ADGRE2: variants seen among roughly 807,000 people sequenced by gnomAD.
The protein encoded by ADGRE2 is adhesion G protein-coupled receptor E2, also known as CD97 antigen.
A neutral mutation model predicts 100.8 loss-of-function variants in ADGRE2; 83 were observed. The ratio of observed to expected loss-of-function variants is 0.82; its 90% CI spans 0.69 to 0.99. ADGRE2 has a LOEUF of 0.99. ADGRE2 is among the 50% of genes least tolerant of loss of function. The pLI, the probability that ADGRE2 is intolerant of heterozygous loss-of-function variation, is 0.00. For missense variants in ADGRE2, 814 were observed against 1,035.7 expected (o/e 0.79, Z 2.94); for synonymous variants, 355 against 413.0 (o/e 0.86, Z 1.70).
intron 14 of ADGRE2, among the ~76,000 whole-genome samples, chr19:14,754,489 A>G (rs1284964966): frequency 8.3e-6 from 1 of 120,782 alleles, no homozygotes; most frequent in East Asian, 2.7e-4. Context: ...CTATCTATCT[A>G]TTCCATTAGT....
chr19:14,763,121 C>T (rs2043788311), intron 11 of ADGRE2, among the ~76,000 whole-genome samples: 3 of 152,152 alleles, frequency 2.0e-5, no homozygotes, highest in Admixed American at 1.3e-4. Context: ...GTGGATTATG[C>T]ACAAGGTCAG....
rs116272130 is a variant in ADGRE2 at position 14,760,392 on chromosome 19, T to C, written c.1084+4041A>G. ...AGAAAACGGAAGTAACAAGTTTTGC[T>C]GAAGGTGTGGAGAGGATAACCCGTG... On this transcript the variant is annotated intron_variant, in intron 11 of 20. Coordinates refer to ENST00000315576, the MANE Select transcript of ADGRE2 (RefSeq NM_013447.4). Among the ~76,000 whole-genome samples the C allele has an allele frequency of 5.9e-3, 905 of 152,276 alleles. 2 individuals carry two copies. Among genetic ancestry groups the C allele is most frequent in the African/African-American group, 0.021 (855 of 41,564 alleles).
intron 20 of ADGRE2, among the ~76,000 whole-genome samples, chr19:14,739,641 A>G (rs1285456003): frequency 6.6e-6 from 1 of 152,188 alleles, no homozygotes; most frequent in African/African-American, 2.4e-5. Flanking sequence ...AGAGGTTCAC[A>G]TCCCTAATCC....
intron 14 of ADGRE2, 47 bp downstream of exon 14, chr19:14,754,907 G>T: frequency 6.3e-7 from 1 of 1,586,952 alleles, no homozygotes; most frequent in Non-Finnish European, 8.6e-7. Flanking sequence ...CTGGGGATTT[G>T]TTACACGGCA....
rs1228452412 is a variant in ADGRE2 at position 14,745,334 on chromosome 19, TAG to T, written c.2183+896_2183+897del. On this transcript the variant is annotated intron_variant, in intron 18 of 20. Transcript: ENST00000315576. ...ATATGTGATATTTTGTTAACATGCATAGAGTGTGTCATGATTAAGTCAGAGTA... is the reference window on the plus strand; with the variant it reads ...ATATGTGATATTTTGTTAACATGCATAGTGTGTCATGATTAAGTCAGAGTA... 3.3e-5 allele frequency among the ~76,000 whole-genome samples: 5 copies of T among 152,350 alleles called. No homozygotes were observed. The East Asian group carries it at 5.8e-4, about 18-fold the overall frequency.
Position 14,761,091 on chromosome 19 carries a change from T to TC in ADGRE2, c.1084+3341dup, listed in dbSNP as rs370887075. On this transcript the variant is annotated intron_variant, in intron 11 of 20. Coordinates refer to ENST00000315576, the MANE Select transcript of ADGRE2 (RefSeq NM_013447.4). ...AAACATATTTGATTGATGTCTCATG[T>TC]CCCCCTAAAATGTATAAAACCAAGT... 5.3e-3 allele frequency among the ~76,000 whole-genome samples: 799 copies of TC among 152,174 alleles called. 4 individuals carry two copies. Among genetic ancestry groups the TC allele is most frequent in the African/African-American group, 0.018 (731 of 41,536 alleles).
At chr19:14,768,516 G>A (rs907910113) in intron 5 of ADGRE2, among the ~76,000 whole-genome samples, 1 of 152,132 alleles carries the variant, frequency 6.6e-6, no homozygotes, top group African/African-American at 2.4e-5. Context: ...ATTCCACCAG[G>A]GACACAGACC....
In ADGRE2 at chr19:14,742,047, C is replaced by T. The variant is rs114505286; in HGVS notation, c.2463+1373G>A. On this transcript the variant is annotated intron_variant, in intron 20 of 20. Coordinates refer to ENST00000315576, the MANE Select transcript of ADGRE2 (RefSeq NM_013447.4). Reference sequence around the variant, plus strand: ...CAAGTGATCTTCCTGCTTTGGCCTCCCAGAGTGCTGGCATTACAAGCTTGA... The same window carrying T: ...CAAGTGATCTTCCTGCTTTGGCCTCTCAGAGTGCTGGCATTACAAGCTTGA... 2.1e-3 allele frequency: 854 copies of T among 398,520 alleles called. 7 individuals carry two copies. Among genetic ancestry groups the T allele is most frequent in the African/African-American group, 0.016 (785 of 48,704 alleles). 24.7% of individuals were successfully genotyped at this position (398,520 alleles called of 1,614,324 possible).
downstream of ADGRE2, chr19:14,731,039 C>A: frequency 1.4e-6 from 1 of 721,940 alleles, no homozygotes; most frequent in Non-Finnish European, 2.4e-6. Flanking sequence ...TTAGGACATT[C>A]ATAGGCAGTC....
At chr19:14,764,185 C>T (rs1886110710) in intron 11 of ADGRE2, among the ~76,000 whole-genome samples, 1 of 152,106 alleles carries the variant, frequency 6.6e-6, no homozygotes. Flanking sequence ...ACCTCAGCCT[C>T]CCAACTAGCT....
intron 16 of ADGRE2, among the ~76,000 whole-genome samples, chr19:14,748,497 C>T (rs543946543): frequency 2.6e-5 from 4 of 152,146 alleles, no homozygotes; most frequent in Admixed American, 6.5e-5. Flanking sequence ...TTAGTAGAGA[C>T]GGGGTTTCAC....
Position 14,752,536 on chromosome 19 carries a change from G to C in ADGRE2, c.1591-10C>G, listed in dbSNP as rs778651472. ...GCACGGGATCCTCCTCCTGGGACCC[G>C]GAAAAGAAGAGTTCACAGTGATGCT... On this transcript the variant is annotated splice_polypyrimidine_tract_variant and intron_variant, in intron 14 of 20. Transcript: ENST00000315576. 6.2e-7 allele frequency: 1 copy of C among 1,612,726 alleles called. No homozygotes were observed. Among genetic ancestry groups the C allele is most frequent in the Non-Finnish European group, 8.5e-7 (1 of 1,179,400 alleles).
intron 16 of ADGRE2, 40 bp from the exon 17 acceptor site, chr19:14,747,002 G>T: frequency 1.3e-6 from 2 of 1,536,602 alleles, no homozygotes; most frequent in South Asian, 2.3e-5. Flanking sequence ...TCAGTTTTTG[G>T]AGATATGGAA....
In ADGRE2 at chr19:14,773,242, C is replaced by CTATT. The variant is rs537448537; in HGVS notation, c.199+692_199+695dup. Among the ~76,000 whole-genome samples the CTATT allele has an allele frequency of 7.7e-4, 117 of 151,580 alleles. 1 individual carries two copies. Among genetic ancestry groups the CTATT allele is most frequent in the African/African-American group, 2.7e-3 (111 of 41,358 alleles). ...CTTCTCTCTCTCCAGGAAGCCATGC[C>CTATT]TATTCACTTCTTACTTCTCCCCCTT... On this transcript the variant is annotated intron_variant, in intron 4 of 20. Transcript: ENST00000315576.
intron 5 of ADGRE2, among the ~76,000 whole-genome samples, 198 bp from the exon 6 acceptor site, chr19:14,767,307 C>T (rs1270835790): frequency 6.6e-6 from 1 of 151,062 alleles, no homozygotes; most frequent in African/African-American, 2.4e-5. Context: ...TGCCTGATCT[C>T]AACTCACTGC....
At chr19:14,777,835 T>C (rs2044491262) in intron 1 of ADGRE2, among the ~76,000 whole-genome samples, 1 of 152,176 alleles carries the variant, frequency 6.6e-6, no homozygotes, top group African/African-American at 2.4e-5. Context: ...CATCCTTTTT[T>C]ATAGCTGCAT....
chr19:14,771,016 TC>T (rs2044187340), intron 5 of ADGRE2, among the ~76,000 whole-genome samples: 1 of 152,082 alleles, frequency 6.6e-6, no homozygotes, highest in Non-Finnish European at 1.5e-5. Flanking sequence ...GAAGGCTCTG[TC>T]CTTTGGTCAA....
chr19:14,761,592 T>C (rs1441701787), intron 11 of ADGRE2, among the ~76,000 whole-genome samples: 2 of 151,316 alleles, frequency 1.3e-5, no homozygotes, highest in African/African-American at 4.9e-5. Flanking sequence ...GCCTGTAAAA[T>C]CGAGCTGCAG....
intron 3 of ADGRE2, 82 bp from the exon 4 acceptor site, chr19:14,774,136 C>T (rs1001388213): frequency 1.3e-5 from 19 of 1,512,658 alleles, no homozygotes; most frequent in Middle Eastern, 2.2e-4. Context: ...TGGGGCAGAG[C>T]GCTGAGTTTC....
Sources: allele counts gnomAD v4.1 joint callset (sites outside exome capture counted in the v4.1 genomes callset), GRCh38; gene constraint gnomAD v4.1.1; transcripts MANE v1.5; gene names NCBI Gene and HGNC (gene_info 2026-07-23, HGNC 2026-07-21).